CELA2B: variants seen among roughly 807,000 people sequenced by gnomAD.
CELA2B encodes the protein chymotrypsin-like elastase family member 2B.
A neutral mutation model predicts 36.5 loss-of-function variants in CELA2B; 27 were observed. That is an observed-to-expected ratio of 0.74 (90% CI 0.55 to 1.02). CELA2B has a LOEUF of 1.02. Ranked by LOEUF, CELA2B falls within the 50% of genes least tolerant of loss-of-function variation. The pLI, the probability that CELA2B is intolerant of heterozygous loss-of-function variation, is 0.00. For missense variants in CELA2B, 340 were observed against 347.8 expected, an observed-to-expected ratio of 0.98 and a Z score of 0.18; for synonymous variants, 143 against 148.5, an observed-to-expected ratio of 0.96 and a Z score of 0.27.
chr1:15,480,238 C>T (rs1046754449), intron 2 of CELA2B, among the ~76,000 whole-genome samples: 4 of 152,198 alleles, frequency 2.6e-5, no homozygotes, highest in East Asian at 1.9e-4. Context: ...CCTGTGGAGA[C>T]GGCCTCACTC....
chr1:15,483,279 G>T lies in CELA2B; in HGVS notation c.372G>T (p.Leu124=), dbSNP rs777778103. Residue 124 remains leucine, a synonymous_variant, in exon 5 of 8, where the codon CTG becomes CTT. Transcript: ENST00000375910. ...DQVSKGNDIA[L]LKLANPVSLT... ...ACTCACCCAGGAACGACATTGCCCTGCTCAAACTGGCTAACCCCGTCTCCC... is the reference window on the plus strand; with the variant it reads ...ACTCACCCAGGAACGACATTGCCCTTCTCAAACTGGCTAACCCCGTCTCCC... The T allele has an allele frequency of 6.2e-7, 1 of 1,613,812 alleles. No individual in the cohort carries two copies. The highest frequency in any genetic ancestry group is 8.5e-7 in the Non-Finnish European group (1 of 1,179,886).
At chr1:15,490,410 C>G (rs1190605200) in intron 7 of CELA2B, among the ~76,000 whole-genome samples, 2 of 152,086 alleles carry the variant, frequency 1.3e-5, no homozygotes, top group Non-Finnish European at 2.9e-5. Flanking sequence ...AAATAGTATT[C>G]CATAGTTTGA....
At chr1:15,487,534 C>A in intron 7 of CELA2B, 97 bp downstream of exon 7, 1 of 1,486,400 alleles carries the variant, frequency 6.7e-7, no homozygotes, top group Non-Finnish European at 9.2e-7. Context: ...CCCCTCCTTC[C>A]TCTTGAGAGC....
intron 3 of CELA2B, 43 bp downstream of exon 3, chr1:15,481,238 T>A: frequency 6.2e-7 from 1 of 1,611,264 alleles, no homozygotes; most frequent in Non-Finnish European, 8.5e-7. Context: ...CACCAGCCGG[T>A]GCTCATTTCT....
chr1:15,479,066 C>T (rs1260596685), intron 2 of CELA2B, among the ~76,000 whole-genome samples: 1 of 152,136 alleles, frequency 6.6e-6, no homozygotes, highest in Admixed American at 6.6e-5. Context: ...ACAAATAATA[C>T]GTATTACGTG....
chr1:15,491,289 C>T lies in CELA2B; in HGVS notation c.793-6C>T. 6.2e-7 allele frequency: 1 copy of T among 1,614,076 alleles called. No individual in the cohort carries two copies. The highest frequency in any genetic ancestry group is 1.1e-5 in the South Asian group (1 of 91,068). Reference sequence around the variant, plus strand: ...CTGACAATTTTCTTGTGTGTGTGTCCTGCAGGTGATTGCAAATAACTAACC... The same window carrying T: ...CTGACAATTTTCTTGTGTGTGTGTCTTGCAGGTGATTGCAAATAACTAACC... On this transcript the variant is annotated splice_region_variant and splice_polypyrimidine_tract_variant and intron_variant, in intron 7 of 7. Coordinates refer to ENST00000375910, the MANE Select transcript of CELA2B (RefSeq NM_015849.3).
At chr1:15,482,536 G>A in intron 4 of CELA2B, 143 bp downstream of exon 4, 1 of 1,249,528 alleles carries the variant, frequency 8.0e-7, no homozygotes, top group Non-Finnish European at 1.1e-6. Flanking sequence ...ATTAGATGTG[G>A]AACCGGCTCC....
At chr1:15,486,472 CA>C (rs199502611) in intron 6 of CELA2B, among the ~76,000 whole-genome samples, 12 of 150,258 alleles carry the variant, frequency 8.0e-5, no homozygotes, top group African/African-American at 2.2e-4. Flanking sequence ...GAGTGAAACT[CA>C]AAAAAAAACC....
chr1:15,487,013 C>G (rs1436536280), intron 6 of CELA2B, among the ~76,000 whole-genome samples: 1 of 152,234 alleles, frequency 6.6e-6, no homozygotes, highest in African/African-American at 2.4e-5. Flanking sequence ...AGTTTCTCCT[C>G]TTCCGTGGCC....
intron 7 of CELA2B, among the ~76,000 whole-genome samples, chr1:15,490,219 CATATCTAT>C (rs769955886): frequency 1.7e-5 from 2 of 117,536 alleles, no homozygotes; most frequent in South Asian, 2.9e-4. Flanking sequence ...ACTTTATGTG[CATATCTAT>C]CTATCTATCT....
intron 2 of CELA2B, among the ~76,000 whole-genome samples, chr1:15,477,929 C>T (rs1708691565): frequency 6.6e-6 from 1 of 152,190 alleles, no homozygotes; most frequent in South Asian, 2.1e-4. Context: ...TAGCCTTGAG[C>T]ATTCAGAGTG....
At chr1:15,476,381 T>G (rs1233789265) in intron 1 of CELA2B, 76 bp from the exon 2 acceptor site, 14 of 1,494,846 alleles carry the variant, frequency 9.4e-6, no homozygotes, top group Middle Eastern at 3.4e-4. Context: ...TATTTGGGGG[T>G]TCAGAATGCA....
chr1:15,481,558 A>G (rs1437151658), intron 3 of CELA2B: 1 of 504,894 alleles, frequency 2.0e-6, no homozygotes, highest in Non-Finnish European at 4.0e-6. Flanking sequence ...AAATGGAGTA[A>G]CAGAATTTAG....
intron 2 of CELA2B, among the ~76,000 whole-genome samples, chr1:15,479,454 G>A (rs1409074751): frequency 6.6e-6 from 1 of 152,162 alleles, no homozygotes; most frequent in South Asian, 2.1e-4. Flanking sequence ...GCTGAGGCAG[G>A]AGAATGGCTT....
chr1:15,485,976 G>C lies in CELA2B; in HGVS notation c.569G>C (p.Gly190Ala), dbSNP rs1247802797. The C allele has an allele frequency of 1.9e-6, 3 of 1,614,094 alleles. No homozygotes were observed. The highest frequency in any genetic ancestry group is 2.5e-6 in the Non-Finnish European group (3 of 1,180,056). Residue 190 changes from glycine (G) to alanine (A), a missense_variant, in exon 6 of 8, where the codon GGC becomes GCC. Gly to Ala is a moderately conservative substitution (Grantham distance 60). Transcript: ENST00000375910. ...GACTATGCCACCTGCTCCAGCTCTG[G>C]CTGGTGGGGCAGCACCGTGAAGACG... Reference protein sequence around the residue: ...VVDYATCSSSGWWGSTVKTNM... With the variant: ...VVDYATCSSSAWWGSTVKTNM...
intron 5 of CELA2B, among the ~76,000 whole-genome samples, chr1:15,485,695 C>G (rs986763715): frequency 5.9e-5 from 9 of 152,212 alleles, no homozygotes; most frequent in Non-Finnish European, 1.2e-4. Flanking sequence ...ATTGGCTTAG[C>G]TTGAGTTAGG....
At chr1:15,483,682 C>T (rs923220050) in intron 5 of CELA2B, among the ~76,000 whole-genome samples, 1 of 152,192 alleles carries the variant, frequency 6.6e-6, no homozygotes, top group Non-Finnish European at 1.5e-5. Flanking sequence ...AATCCCGGCA[C>T]TTTGGGAGGC....
At position 15,476,158 on chromosome 1, in the gene CELA2B, G is replaced by A. The variant is rs1213073035; in HGVS notation, c.33G>A (p.Val11=). The change falls in exon 1 of 8, where the codon GTG becomes GTA. Residue 11 remains valine, a synonymous_variant. Coordinates refer to ENST00000375910, the MANE Select transcript of CELA2B (RefSeq NM_015849.3). The part of the protein sequence containing the change: MIRTLLLSTL[V]AGALSCGVST... Reference sequence around the variant, plus strand: ...GGACCCTGCTGCTGTCCACTTTGGTGGCTGGAGGTAAGTCCTGTCACCCAG... The same window carrying A: ...GGACCCTGCTGCTGTCCACTTTGGTAGCTGGAGGTAAGTCCTGTCACCCAG... The A allele has an allele frequency of 6.2e-7, 1 of 1,614,152 alleles. No individual in the cohort carries two copies. The highest frequency in any genetic ancestry group is 1.1e-5 in the South Asian group (1 of 91,078).
At chr1:15,487,124 C>T (rs1431018011) in intron 6 of CELA2B, among the ~76,000 whole-genome samples, 161 bp from the exon 7 acceptor site, 4 of 152,204 alleles carry the variant, frequency 2.6e-5, no homozygotes, top group African/African-American at 9.6e-5. Flanking sequence ...TAAGTGTTGG[C>T]TCTTGTTGGA....
Sources: gnomAD v4.1 joint callset for allele counts (sites outside exome capture counted in the v4.1 genomes callset) on GRCh38, gnomAD v4.1.1 for gene constraint, MANE v1.5 for transcripts, NCBI Gene and HGNC (gene_info 2026-07-23, HGNC 2026-07-21) for gene names.